Variants in TFPT observed in about 807,000 individuals in gnomAD.
TFPT encodes TCF3 fusion partner.
TFPT carries 27 observed loss-of-function variants against 28.8 expected under a neutral mutation model. The observed-to-expected ratio is 0.94, with a 90% CI of 0.69 to 1.29. The LOEUF is 1.29. Among genes scored for constraint, TFPT ranks in the 50% most tolerant of loss-of-function variants. TFPT has a pLI of 0.00. For synonymous variants in TFPT, 152 were observed against 142.8 expected (o/e 1.06, Z -0.46); for missense variants, 330 against 338.0 (o/e 0.98, Z 0.19).
chr19:54,108,201 G>A lies in TFPT; in HGVS notation c.467C>T (p.Ala156Val), dbSNP rs201891249. ...QGTDAPTPGN[A>V]ENEPPEKETL... is the part of the protein sequence containing the mutation. ...CTCTTTCTCTGGAGGCTCATTCTCCGCATTGCCTGGGGTGGGGGCATCCGT... is the reference window on the plus strand; with the variant it reads ...CTCTTTCTCTGGAGGCTCATTCTCCACATTGCCTGGGGTGGGGGCATCCGT... The change falls in exon 5 of 6, where the codon GCG becomes GTG. Residue 156 changes from alanine (A) to valine (V), a missense_variant. Physicochemically the swap from Ala to Val is moderately conservative, Grantham distance 64 (BLOSUM62 0). Coordinates refer to ENST00000391759, the MANE Select transcript of TFPT (RefSeq NM_013342.4). The A allele has an allele frequency of 1.8e-5, 29 of 1,596,800 alleles. No individual in the cohort carries two copies. The highest frequency in any genetic ancestry group is 1.2e-4 in the African/African-American group (9 of 74,710).
At chr19:54,113,688 C>CATTG (rs1236086782) in intron 2 of TFPT, among the ~76,000 whole-genome samples, 9 of 152,256 alleles carry the variant, frequency 5.9e-5, no homozygotes, top group Admixed American at 3.9e-4. Flanking sequence ...GTTTAATCCT[C>CATTG]ATTGATTGAT....
chr19:54,107,539 G>A lies in TFPT; in HGVS notation c.643-370C>T, dbSNP rs2073306455. On this transcript the variant is annotated intron_variant, in intron 5 of 5. Transcript: ENST00000391759. ...GCCGGGATTACAGGCATGAGCCACT[G>A]CACCTGGCCAGCCTCACAGTTCTTG... is the stretch of plus-strand genomic sequence containing the variant. 1.7e-5 allele frequency: 5 copies of A among 299,630 alleles called. 1 individual carries two copies. In the South Asian group the frequency reaches 2.4e-4, roughly 14 times the overall value. The allele number at this position is 299,630 out of a possible 1,614,324, so 18.6% of individuals were successfully genotyped here. A position where few individuals can be genotyped will look rare whatever the true frequency, so the allele number is the denominator to read the frequency against.
In TFPT at chr19:54,114,433, C is replaced by A; in HGVS notation, c.282+9G>T. 1 of 1,608,978 alleles carries A rather than the reference C, an allele frequency of 6.2e-7. No individual in the cohort carries two copies. The highest frequency in any genetic ancestry group is 8.5e-7 in the Non-Finnish European group (1 of 1,177,110). ...GGACCCCAAAACCGGGGGATCCGCA[C>A]TCACCTACCTGCTCGATCTCCCGGC... On this transcript the variant is annotated intron_variant, in intron 2 of 5. Coordinates refer to ENST00000391759, the MANE Select transcript of TFPT (RefSeq NM_013342.4).
chr19:54,115,052 C>T (rs1291061952), intron 1 of TFPT, 195 bp downstream of exon 1: 11 of 829,900 alleles, frequency 1.3e-5, no homozygotes, highest in Non-Finnish European at 2.0e-5. Flanking sequence ...CCTAGTCTGT[C>T]AGATCCAGCA....
intron 3 of TFPT, among the ~76,000 whole-genome samples, chr19:54,109,826 C>G (rs932192510): frequency 6.6e-6 from 1 of 151,440 alleles, no homozygotes; most frequent in Admixed American, 6.6e-5. Flanking sequence ...AGTCCCAGTG[C>G]TCAGCCCTCT....
At position 54,115,441 on chromosome 19, in the gene TFPT, A is replaced by C; in HGVS notation, c.-172T>G. 1 of 826,072 alleles carries C rather than the reference A, an allele frequency of 1.2e-6. No individual in the cohort carries two copies. Among genetic ancestry groups the C allele is most frequent in the Non-Finnish European group, 1.9e-6 (1 of 522,514 alleles). 51.2% of individuals were successfully genotyped at this position (826,072 alleles called of 1,614,324 possible). A position where few individuals can be genotyped will look rare whatever the true frequency, so the allele number is the denominator to read the frequency against. On this transcript the variant is annotated 5_prime_UTR_variant, in exon 1 of 6. Transcript: ENST00000391759. Reference sequence around the variant, plus strand: ...CCTGTTTCCGGCTTCGCTTCGGCCCACCCCCACGTCCACCCCGAATCCCTG... The same window carrying C: ...CCTGTTTCCGGCTTCGCTTCGGCCCCCCCCCACGTCCACCCCGAATCCCTG...
chr19:54,107,602 A>G, intron 5 of TFPT: 1 of 267,570 alleles, frequency 3.7e-6, no homozygotes, highest in Non-Finnish European at 7.1e-6. Flanking sequence ...TACACCTCAG[A>G]GGCAATCCCA....
chr19:54,114,710 A>C lies in TFPT; in HGVS notation c.24-10T>G. 6.2e-7 allele frequency: 1 copy of C among 1,609,342 alleles called. No individual in the cohort carries two copies. On this transcript the variant is annotated splice_polypyrimidine_tract_variant and intron_variant, in intron 1 of 5. Coordinates refer to ENST00000391759, the MANE Select transcript of TFPT (RefSeq NM_013342.4). The stretch of plus-strand genomic sequence containing the variant: ...CACGGCTGCCATGGTCCTGAGAGGC[A>C]GGGAAAGGCTCAGGGGCCCTGGATC...
intron 2 of TFPT, among the ~76,000 whole-genome samples, chr19:54,111,291 C>G (rs1217784929): frequency 2.0e-5 from 3 of 152,062 alleles, no homozygotes; most frequent in African/African-American, 7.2e-5. Context: ...GCCTGTAATC[C>G]CAGCACTTTG....
intron 2 of TFPT, among the ~76,000 whole-genome samples, chr19:54,110,770 GGCTTTAT>G (rs2073431540): frequency 6.6e-6 from 1 of 151,946 alleles, no homozygotes; most frequent in Non-Finnish European, 1.5e-5. Flanking sequence ...ATTCACTCCT[GGCTTTAT>G]TTCCTCCTAG....
Position 54,114,674 on chromosome 19 carries a change from T to C in TFPT, c.50A>G (p.Glu17Gly). ...EGTMAAVGFE[E>G]FSAPPGSELA... ...CTCTGAGCCTGGCGGCGCTGAGAAC[T>C]CCTCAAAGCCCACGGCTGCCATGGT... The change falls in exon 2 of 6, where the codon GAG becomes GGG. Residue 17 changes from glutamate (E) to glycine (G), a missense_variant. Coordinates refer to ENST00000391759, the MANE Select transcript of TFPT (RefSeq NM_013342.4). 1 of 1,613,560 alleles carries C rather than the reference T, an allele frequency of 6.2e-7. No homozygotes were observed. Among genetic ancestry groups the C allele is most frequent in the Non-Finnish European group, 8.5e-7 (1 of 1,179,966 alleles).
At chr19:54,108,585 A>C (rs2073353511) in intron 3 of TFPT, 190 bp from the exon 4 acceptor site, 1 of 1,571,458 alleles carries the variant, frequency 6.4e-7, no homozygotes, top group Admixed American at 1.9e-5. Flanking sequence ...GAGCAAGACA[A>C]GGCAACCATT....
At chr19:54,113,526 C>G (rs899824103) in intron 2 of TFPT, among the ~76,000 whole-genome samples, 2 of 152,136 alleles carry the variant, frequency 1.3e-5, no homozygotes, top group African/African-American at 2.4e-5. Flanking sequence ...CAGACTAATA[C>G]AACTGTCTTC....
At chr19:54,110,400 A>G (rs2073420251) in intron 2 of TFPT, among the ~76,000 whole-genome samples, 1 of 152,026 alleles carries the variant, frequency 6.6e-6, no homozygotes, top group Non-Finnish European at 1.5e-5. Flanking sequence ...GTCAACTGTT[A>G]CCTGCTCAGA....
chr19:54,108,197 C>T lies in TFPT; in HGVS notation c.471G>A (p.Glu157=), dbSNP rs1157187379. 1.1e-5 allele frequency: 18 copies of T among 1,597,330 alleles called. No individual in the cohort carries two copies. Among genetic ancestry groups the T allele is most frequent in the Admixed American group, 3.4e-5 (2 of 58,252 alleles). Residue 157 remains glutamate, a synonymous_variant, in exon 5 of 6, where the codon GAG becomes GAA. Coordinates refer to ENST00000391759, the MANE Select transcript of TFPT (RefSeq NM_013342.4). ...GTDAPTPGNA[E]NEPPEKETLS... is the part of the protein sequence containing the mutation. ...GTGTCTCTTTCTCTGGAGGCTCATT[C>T]TCCGCATTGCCTGGGGTGGGGGCAT...
In TFPT at chr19:54,108,968, C is replaced by T. The variant is rs1042388941; in HGVS notation, c.354-573G>A. The T allele has an allele frequency of 3.6e-5, 7 of 192,924 alleles. No individual in the cohort carries two copies. In the Middle Eastern group the frequency reaches 7.4e-3, roughly 204 times the overall value. 12.0% of individuals were successfully genotyped at this position (192,924 alleles called of 1,614,324 possible). On this transcript the variant is annotated intron_variant, in intron 3 of 5. Transcript: ENST00000391759. The stretch of plus-strand genomic sequence containing the variant: ...GGAGTGCAGTGGCGTGAATTTGGCT[C>T]ACCACAACCTCCACCTCCCTGGTAC...
intron 3 of TFPT, chr19:54,108,744 T>C (rs1459312608): frequency 3.7e-6 from 3 of 810,656 alleles, no homozygotes; most frequent in East Asian, 2.7e-5. Flanking sequence ...ATAATTTTTA[T>C]TGATAACTGA....
intron 5 of TFPT, 130 bp downstream of exon 5, chr19:54,107,896 C>A (rs1816505507): frequency 1.0e-6 from 1 of 993,810 alleles, no homozygotes; most frequent in Non-Finnish European, 1.4e-6. Context: ...GGGTGCAGAA[C>A]CAAAACCCAA....
At chr19:54,109,907 T>C in intron 3 of TFPT, 144 bp downstream of exon 3, 1 of 314,310 alleles carries the variant, frequency 3.2e-6, no homozygotes, top group East Asian at 1.3e-4. Context: ...TTCCTCCTTG[T>C]TTGCCTCAGC....
Sources: gnomAD v4.1 joint callset for allele counts (sites outside exome capture counted in the v4.1 genomes callset) on GRCh38, gnomAD v4.1.1 for gene constraint, MANE v1.5 for transcripts, NCBI Gene and HGNC (gene_info 2026-07-23, HGNC 2026-07-21) for gene names.